Variants in ENPP3 observed in about 807,000 individuals in gnomAD.
The protein encoded by ENPP3 is ectonucleotide pyrophosphatase/phosphodiesterase family member 3.
A neutral mutation model predicts 117.8 loss-of-function variants in ENPP3; 104 were observed. That is an observed-to-expected ratio of 0.88 (90% confidence interval 0.75 to 1.04). The LOEUF (loss-of-function observed/expected upper bound fraction) is 1.04, where lower values mean the gene tolerates loss of function less well. ENPP3 is among the 50% of genes least tolerant of loss of function. ENPP3 has a pLI of 0.00. For synonymous variants in ENPP3, 380 were observed against 349.9 expected (o/e 1.09, Z -0.96); for missense variants, 1,026 against 1,051.9 (o/e 0.98, Z 0.34).
chr6:131,734,600 T>TA (rs1188685385), intron 21 of ENPP3, among the ~76,000 whole-genome samples: 1 of 151,718 alleles, frequency 6.6e-6, no homozygotes, highest in Non-Finnish European at 1.5e-5. Context: ...TGATAAACAT[T>TA]AAAAATTTGC....
intron 5 of ENPP3, among the ~76,000 whole-genome samples, chr6:131,656,895 A>G (rs1189358595): frequency 2.6e-5 from 4 of 152,158 alleles, no homozygotes; most frequent in Non-Finnish European, 5.9e-5. Context: ...TGCACTCTCT[A>G]GTTAGCTTGG....
chr6:131,685,370 A>T lies in ENPP3; in HGVS notation c.1127A>T (p.Asp376Val), dbSNP rs771761751. ...TGATTATTTTTTTATTCAGGAATGGACCAGACTTATTGTAACAAGATGGAA... is the reference window on the plus strand; with the variant it reads ...TGATTATTTTTTTATTCAGGAATGGTCCAGACTTATTGTAACAAGATGGAA... ...NIILLADHGM[D>V]QTYCNKMEYM... The change falls in exon 13 of 25, where the codon GAC becomes GTC. Residue 376 changes from aspartate (D) to valine (V), a missense_variant. By Grantham distance (152) the Asp-to-Val change is radical. Coordinates refer to ENST00000357639, the MANE Select transcript of ENPP3 (RefSeq NM_005021.5). The T allele has an allele frequency of 4.3e-6, 7 of 1,610,584 alleles. No individual in the cohort carries two copies. In the South Asian group the frequency reaches 6.6e-5, roughly 15 times the overall value.
At chr6:131,713,177 T>C (rs1386927749) in intron 15 of ENPP3, among the ~76,000 whole-genome samples, 2 of 131,200 alleles carry the variant, frequency 1.5e-5, no homozygotes, top group East Asian at 2.3e-4. Context: ...AAGATGTGCC[T>C]TTGCTTTTCC....
intron 6 of ENPP3, among the ~76,000 whole-genome samples, chr6:131,668,664 AT>A (rs1263251531): frequency 6.6e-6 from 1 of 151,870 alleles, no homozygotes; most frequent in Admixed American, 6.6e-5. Context: ...TTAGTACTTT[AT>A]TTTTTTAATT....
Position 131,732,654 on chromosome 6 carries a change from C to T in ENPP3, c.1954-934C>T, listed in dbSNP as rs1335618721. On this transcript the variant is annotated intron_variant, in intron 20 of 24. Transcript: ENST00000357639. ...TCTTGACCTCCAGTGATCCACCCGC[C>T]TCAACCTTCTAAAGTGCTGGGACTA... 2.0e-5 allele frequency among the ~76,000 whole-genome samples: 3 copies of T among 151,370 alleles called. No individual in the cohort carries two copies. The East Asian group carries it at 5.8e-4, about 29-fold the overall frequency.
chr6:131,723,827 T>TCTCTCTCTCACACACA (rs367662326), intron 18 of ENPP3, among the ~76,000 whole-genome samples: 2 of 145,850 alleles, frequency 1.4e-5, no homozygotes, highest in African/African-American at 5.2e-5. Context: ...TCTCTCTCTC[T>TCTCTCTCTCACACACA]CACACACACA....
chr6:131,665,610 T>C (rs1241389135), intron 6 of ENPP3, among the ~76,000 whole-genome samples: 1 of 152,132 alleles, frequency 6.6e-6, no homozygotes, highest in East Asian at 1.9e-4. Flanking sequence ...ATTTTATTTA[T>C]TTGAGTTTTC....
intron 23 of ENPP3, among the ~76,000 whole-genome samples, chr6:131,739,630 T>C (rs1423658066): frequency 1.3e-5 from 2 of 149,104 alleles, no homozygotes; most frequent in African/African-American, 5.0e-5. Flanking sequence ...ATTCTAACAT[T>C]TTTTCATGTT....
At chr6:131,701,904 G>GAAAA (rs796659829) in intron 15 of ENPP3, among the ~76,000 whole-genome samples, 2 of 101,918 alleles carry the variant, frequency 2.0e-5, no homozygotes, top group Middle Eastern at 5.4e-3. Flanking sequence ...AAAAAGAAAA[G>GAAAA]AAAAAAAAAA....
chr6:131,690,828 C>T (rs991679991), intron 14 of ENPP3, among the ~76,000 whole-genome samples: 3 of 151,792 alleles, frequency 2.0e-5, no homozygotes, highest in Non-Finnish European at 4.4e-5. Context: ...GACATTCTTG[C>T]CCACCCCTTC....
intron 14 of ENPP3, among the ~76,000 whole-genome samples, chr6:131,692,491 T>A (rs575810470): frequency 6.6e-6 from 1 of 151,608 alleles, no homozygotes; most frequent in Admixed American, 6.6e-5. Context: ...ATTGAGTCTG[T>A]TGGAAAGTAC....
chr6:131,693,588 T>C lies in ENPP3; in HGVS notation c.1376T>C (p.Val459Ala). The C allele has an allele frequency of 6.2e-7, 1 of 1,613,848 alleles. No individual in the cohort carries two copies. The highest frequency in any genetic ancestry group is 1.3e-5 in the African/African-American group (1 of 75,052). ...HYAKNVRIDK[V>A]HLFVDQQWLA... ...GCCAAGAACGTCAGAATCGACAAAG[T>C]TCATCTCTTTGTGGATCAACAGTGG... Residue 459 changes from valine (V) to alanine (A), a missense_variant, in exon 15 of 25, where the codon GTT becomes GCT. Transcript: ENST00000357639.
At chr6:131,723,257 A>G (rs1162443246) in intron 18 of ENPP3, among the ~76,000 whole-genome samples, 1 of 152,166 alleles carries the variant, frequency 6.6e-6, no homozygotes. Context: ...ATTCTTCAAA[A>G]TAGCATTATA....
At chr6:131,697,436 A>AG (rs1216476142) in intron 15 of ENPP3, among the ~76,000 whole-genome samples, 2 of 60,366 alleles carry the variant, frequency 3.3e-5, no homozygotes, top group African/African-American at 1.3e-4. Flanking sequence ...GGGGGCGGGA[A>AG]GGGGGGGTGG....
At chr6:131,679,009 CCTTCCTTCCTTCCTTCCT>C (rs1562446809) in intron 11 of ENPP3, among the ~76,000 whole-genome samples, 6 of 86,178 alleles carry the variant, frequency 7.0e-5, no homozygotes, top group African/African-American at 3.1e-4. Context: ...TTGCTTCCTT[CCTTCCTTCCTTCCTTCCT>C]TCTTTCTTTC....
chr6:131,646,274 C>CTGTGTGTGTGTGTGTG lies in ENPP3; in HGVS notation c.155-3733_155-3718dup, dbSNP rs34014584. Reference sequence around the variant, plus strand: ...TCTCTTTTCTGAGGCTCTCAATACTCTGTGTGTGTGTGTGTGTGTGTGTGT... The same window carrying CTGTGTGTGTGTGTGTG: ...TCTCTTTTCTGAGGCTCTCAATACTCTGTGTGTGTGTGTGTGTGTGTGTGTGTGTGTGTGTGTGTGT... On this transcript the variant is annotated intron_variant, in intron 2 of 24. Transcript: ENST00000357639. Among the ~76,000 whole-genome samples the CTGTGTGTGTGTGTGTG allele has an allele frequency of 3.8e-3, 558 of 145,570 alleles. 3 individuals are homozygous for CTGTGTGTGTGTGTGTG. Among genetic ancestry groups the CTGTGTGTGTGTGTGTG allele is most frequent in the African/African-American group, 0.014 (535 of 39,388 alleles).
chr6:131,710,137 T>C, intron 15 of ENPP3: 1 of 1,613,964 alleles, frequency 6.2e-7, no homozygotes, highest in African/African-American at 1.3e-5. Flanking sequence ...CACTTTTAAT[T>C]CCAGGTTATC....
At chr6:131,738,217 A>AG in intron 23 of ENPP3, 54 bp downstream of exon 23, 1 of 1,433,588 alleles carries the variant, frequency 7.0e-7, no homozygotes. Context: ...GGGAAATTCC[A>AG]ATATTTTAAG....
intron 1 of ENPP3, 152 bp downstream of exon 1, chr6:131,637,614 A>G: frequency 2.3e-6 from 1 of 429,560 alleles, no homozygotes; most frequent in Non-Finnish European, 4.2e-6. Context: ...TCTAATGCAA[A>G]TTAATATCTT....
Sources: allele counts gnomAD v4.1 joint callset (sites outside exome capture counted in the v4.1 genomes callset), GRCh38; gene constraint gnomAD v4.1.1; transcripts MANE v1.5; gene names NCBI Gene and HGNC (gene_info 2026-07-23, HGNC 2026-07-21).